CLASP1: variants seen among roughly 807,000 people sequenced by gnomAD.
CLASP1 encodes cytoplasmic linker associated protein 1, also known as CLIP-associating protein 1.
In CLASP1, 38 loss-of-function variants were observed where a neutral mutation model predicts 192.3. That is an observed-to-expected ratio of 0.20 (90% CI 0.15 to 0.26). CLASP1 has a LOEUF of 0.26. Ranked by LOEUF, CLASP1 falls within the 10% of genes least tolerant of loss-of-function variation. The probability of loss-of-function intolerance (pLI) is 1.00; values close to 1 mark genes in which losing one functional copy is unlikely to be tolerated. For synonymous variants in CLASP1, 691 were observed against 712.8 expected (o/e 0.97, Z 0.49); for missense variants, 1,433 against 1,932.5 (o/e 0.74, Z 4.85).
chr2:121,593,626 CAAAAAAAAA>C (rs61315745), intron 2 of CLASP1, among the ~76,000 whole-genome samples: 3 of 50,734 alleles, frequency 5.9e-5, no homozygotes, highest in Admixed American at 4.1e-4. Context: ...AACTCCGTCT[CAAAAAAAAA>C]AAAAAAAAAA....
intron 37 of CLASP1, among the ~76,000 whole-genome samples, chr2:121,354,120 T>C (rs2064988914): frequency 6.6e-6 from 1 of 152,136 alleles, no homozygotes; most frequent in African/African-American, 2.4e-5. Flanking sequence ...CAAAGTCACA[T>C]CTGGAGCATG....
intron 8 of CLASP1, chr2:121,490,453 A>G (rs531278898): frequency 4.4e-6 from 1 of 225,608 alleles, no homozygotes; most frequent in South Asian, 4.8e-5. Flanking sequence ...TAGACTAACA[A>G]TGATTTTGTA....
At chr2:121,499,177 G>A (rs895833920) in intron 8 of CLASP1, among the ~76,000 whole-genome samples, 6 of 152,100 alleles carry the variant, frequency 3.9e-5, no homozygotes, top group Admixed American at 1.3e-4. Flanking sequence ...AACCCCAAAC[G>A]TCCATCAACA....
At chr2:121,479,639 C>T (rs2092421509) in intron 8 of CLASP1, among the ~76,000 whole-genome samples, 1 of 152,164 alleles carries the variant, frequency 6.6e-6, no homozygotes, top group South Asian at 2.1e-4. Flanking sequence ...AATTGAATGG[C>T]TGGATAAAGA....
chr2:121,471,835 T>G (rs1373801501), intron 8 of CLASP1, among the ~76,000 whole-genome samples: 2 of 152,194 alleles, frequency 1.3e-5, no homozygotes, highest in East Asian at 3.8e-4. Flanking sequence ...AGATGTACAG[T>G]GCTCTTAATT....
intron 2 of CLASP1, among the ~76,000 whole-genome samples, chr2:121,535,633 C>A (rs571284610): frequency 6.6e-6 from 1 of 151,108 alleles, no homozygotes; most frequent in African/African-American, 2.4e-5. Context: ...TAAAAAGTAA[C>A]GGCTGACATT....
At chr2:121,426,013 T>C (rs59346066) in intron 21 of CLASP1, among the ~76,000 whole-genome samples, 6,374 of 151,844 alleles carry the variant, frequency 0.042, 171 homozygotes, top group East Asian at 0.14. Flanking sequence ...GGCATGGTGG[T>C]ACATGCCTCT....
At chr2:121,478,374 G>A (rs2091900231) in intron 8 of CLASP1, among the ~76,000 whole-genome samples, 1 of 152,136 alleles carries the variant, frequency 6.6e-6, no homozygotes, top group South Asian at 2.1e-4. Flanking sequence ...GCCAAGGCGG[G>A]CGGACTGCCT....
chr2:121,630,514 T>C (rs1429593981), intron 1 of CLASP1, among the ~76,000 whole-genome samples: 1 of 152,014 alleles, frequency 6.6e-6, no homozygotes, highest in African/African-American at 2.4e-5. Flanking sequence ...ACAAAACTTA[T>C]TCCTGCCTCG....
chr2:121,531,009 TGAAAACCTGTTTTCA>T (rs2094813382), intron 2 of CLASP1: 1 of 700,042 alleles, frequency 1.4e-6, no homozygotes, highest in Non-Finnish European at 2.6e-6. Context: ...TTTGGAAAAA[TGAAAACCTGTTTTCA>T]TAGACTTATC....
At chr2:121,563,684 G>A (rs1215996068) in intron 2 of CLASP1, among the ~76,000 whole-genome samples, 1 of 152,148 alleles carries the variant, frequency 6.6e-6, no homozygotes, top group East Asian at 1.9e-4. Context: ...GGGGAAATTA[G>A]CTTCTTTTAT....
At chr2:121,449,692 C>T (rs1277065395) in intron 16 of CLASP1, among the ~76,000 whole-genome samples, 2 of 151,752 alleles carry the variant, frequency 1.3e-5, no homozygotes, top group African/African-American at 2.4e-5. Context: ...TTTTTAGCAA[C>T]GATTAATTAT....
At chr2:121,511,530 G>A (rs1316684466) in intron 7 of CLASP1, among the ~76,000 whole-genome samples, 1 of 151,724 alleles carries the variant, frequency 6.6e-6, no homozygotes, top group African/African-American at 2.4e-5. Flanking sequence ...GGAGGTTGCA[G>A]TGAGCCAAGA....
intron 2 of CLASP1, among the ~76,000 whole-genome samples, chr2:121,550,553 G>A (rs185998868): frequency 2.2e-4 from 33 of 152,138 alleles, no homozygotes; most frequent in Admixed American, 2.0e-3. Flanking sequence ...TAGAAATGAT[G>A]AAGAAAATGT....
At chr2:121,483,993 G>A (rs1401382328) in intron 8 of CLASP1, among the ~76,000 whole-genome samples, 2 of 152,138 alleles carry the variant, frequency 1.3e-5, no homozygotes, top group African/African-American at 4.8e-5. Flanking sequence ...TCTGATGCAT[G>A]GCCGGGTATA....
chr2:121,620,074 T>C (rs1022132199), intron 1 of CLASP1, among the ~76,000 whole-genome samples: 1 of 151,778 alleles, frequency 6.6e-6, no homozygotes, highest in Non-Finnish European at 1.5e-5. Context: ...ATATGAAAAG[T>C]AGCCGGGAGT....
intron 22 of CLASP1, among the ~76,000 whole-genome samples, chr2:121,420,370 G>C (rs760615589): frequency 1.3e-5 from 2 of 152,150 alleles, no homozygotes; most frequent in Non-Finnish European, 2.9e-5. Flanking sequence ...AAAAACTAGG[G>C]AGCGTGTGTA....
chr2:121,542,374 T>C (rs893250524), intron 2 of CLASP1, among the ~76,000 whole-genome samples: 11 of 152,234 alleles, frequency 7.2e-5, no homozygotes, highest in African/African-American at 2.7e-4. Context: ...TGTGCCCTGC[T>C]GATTTCTACA....
At chr2:121,566,423 G>A (rs2059507585) in intron 2 of CLASP1, among the ~76,000 whole-genome samples, 1 of 152,198 alleles carries the variant, frequency 6.6e-6, no homozygotes, top group Admixed American at 6.5e-5. Flanking sequence ...TAAGCAATAA[G>A]TGGAAACAAC....
Sources: allele counts gnomAD v4.1 joint callset (sites outside exome capture counted in the v4.1 genomes callset), GRCh38; gene constraint gnomAD v4.1.1; transcripts MANE v1.5; gene names NCBI Gene and HGNC (gene_info 2026-07-23, HGNC 2026-07-21).